The following EFCAB5 variants were observed in gnomAD, a reference collection of about 807,000 sequenced individuals.
EFCAB5 encodes EF-hand calcium binding domain 5, also known as EF-hand calcium-binding domain-containing protein 5.
Under a neutral mutation model 167.9 loss-of-function variants are expected in EFCAB5, and 131 were observed. The observed-to-expected ratio is 0.78, with a 90% CI of 0.68 to 0.90. EFCAB5 has a LOEUF of 0.90. Ranked by LOEUF, EFCAB5 falls within the 40% of genes least tolerant of loss-of-function variation. The pLI, the probability that EFCAB5 is intolerant of heterozygous loss-of-function variation, is 0.00. For missense variants in EFCAB5, 1,663 were observed against 1,745.2 expected, an observed-to-expected ratio of 0.95 and a Z score of 0.84; for synonymous variants, 574 against 602.8, an observed-to-expected ratio of 0.95 and a Z score of 0.70.
At chr17:30,040,353 C>T (rs954341413) in intron 8 of EFCAB5, among the ~76,000 whole-genome samples, 2 of 152,198 alleles carry the variant, frequency 1.3e-5, no homozygotes, top group Non-Finnish European at 2.9e-5. Flanking sequence ...AGTCAGGCAC[C>T]TCCATGATCT....
At chr17:30,097,255 C>T (rs909749363) in intron 22 of EFCAB5, among the ~76,000 whole-genome samples, 3 of 151,812 alleles carry the variant, frequency 2.0e-5, no homozygotes, top group South Asian at 2.1e-4. Context: ...AGGCTTTCTC[C>T]GTCTTGGTCA....
chr17:30,096,382 T>C (rs1278172308), intron 22 of EFCAB5, among the ~76,000 whole-genome samples: 1 of 152,014 alleles, frequency 6.6e-6, no homozygotes, highest in African/African-American at 2.4e-5. Context: ...CTTTTAAAAA[T>C]GAGCTTGATG....
chr17:30,000,885 A>G (rs1472919223), intron 7 of EFCAB5, among the ~76,000 whole-genome samples: 4 of 152,210 alleles, frequency 2.6e-5, no homozygotes, highest in Non-Finnish European at 4.4e-5. Flanking sequence ...TCCAGAATCC[A>G]TACTATGAAC....
intron 22 of EFCAB5, among the ~76,000 whole-genome samples, chr17:30,100,631 G>A (rs1216807455): frequency 6.6e-6 from 1 of 152,172 alleles, no homozygotes; most frequent in African/African-American, 2.4e-5. Context: ...GCTGGGCATG[G>A]TGGCAGGCAC....
intron 14 of EFCAB5, among the ~76,000 whole-genome samples, chr17:30,076,362 C>T (rs2070868298): frequency 1.3e-5 from 2 of 152,246 alleles, no homozygotes; most frequent in South Asian, 4.1e-4. Context: ...ACATGCTCCA[C>T]CTCTAGAACT....
At chr17:30,104,619 CTG>C (rs1346300885) in intron 22 of EFCAB5, among the ~76,000 whole-genome samples, 1 of 151,824 alleles carries the variant, frequency 6.6e-6, no homozygotes, top group Non-Finnish European at 1.5e-5. Context: ...ATTGCAAAGT[CTG>C]TGTGAGTGGG....
chr17:30,065,647 C>G (rs538074072), intron 14 of EFCAB5: 4 of 152,086 alleles, frequency 2.6e-5, no homozygotes, highest in African/African-American at 9.7e-5. Flanking sequence ...GGCGACAGAG[C>G]CAGATTCTGT....
rs2070090381 is a variant in EFCAB5, at chr17:30,051,309, T to A, written c.1300+92T>A. On this transcript the variant is annotated intron_variant, in intron 9 of 22. Transcript: ENST00000394835. The stretch of plus-strand genomic sequence containing the variant: ...GATACACTGATATGTTAACACAAGA[T>A]TATTCTACCACCATGGAATCCCTTC... The A allele has an allele frequency of 2.9e-6, 3 of 1,042,046 alleles. No homozygotes were observed. In the East Asian group the frequency reaches 7.6e-5, roughly 26 times the overall value. 64.5% of individuals were successfully genotyped at this position (1,042,046 alleles called of 1,614,324 possible).
At chr17:29,937,665 G>A (rs1340321926), upstream of EFCAB5, among the ~76,000 whole-genome samples, 2 of 152,144 alleles carry the variant, frequency 1.3e-5, no homozygotes, top group African/African-American at 4.8e-5. Flanking sequence ...TTATTCCAGA[G>A]TCAGAGAAAG....
chr17:30,051,447 A>C (rs1285461090), intron 9 of EFCAB5, among the ~76,000 whole-genome samples: 1 of 152,208 alleles, frequency 6.6e-6, no homozygotes, highest in Non-Finnish European at 1.5e-5. Flanking sequence ...ATACTCAAAA[A>C]TTTTATATCA....
Position 30,025,966 on chromosome 17 carries a change from C to A in EFCAB5, c.1045-8264C>A, listed in dbSNP as rs570158510. On this transcript the variant is annotated intron_variant, in intron 7 of 22. Transcript: ENST00000394835. The stretch of plus-strand genomic sequence containing the variant: ...TTCTCACTCATAGATGGGAACTGAA[C>A]AATGAGAACACATGGACACAGGAAG... 1.1e-4 allele frequency among the ~76,000 whole-genome samples: 16 copies of A among 149,996 alleles called. No homozygotes were observed. In the South Asian group the frequency reaches 3.2e-3, roughly 30 times the overall value.
At chr17:30,011,112 T>C (rs1407441223) in intron 7 of EFCAB5, among the ~76,000 whole-genome samples, 1 of 152,198 alleles carries the variant, frequency 6.6e-6, no homozygotes, top group Non-Finnish European at 1.5e-5. Context: ...GCTGTAGATA[T>C]GTGGATGTGT....
chr17:29,973,942 GAGGTC>G (rs2068012101), intron 4 of EFCAB5, among the ~76,000 whole-genome samples: 1 of 151,728 alleles, frequency 6.6e-6, no homozygotes, highest in Admixed American at 6.6e-5. Flanking sequence ...TGAATCACCT[GAGGTC>G]AGGAGTTCGA....
chr17:29,955,535 A>AT lies in EFCAB5; in HGVS notation c.190+11896dup, dbSNP rs906041019. Among the ~76,000 whole-genome samples, 10 of 150,202 alleles carry AT rather than the reference A, an allele frequency of 6.7e-5. 1 individual carries two copies. The highest frequency in any genetic ancestry group is 6.4e-4 in the South Asian group (3 of 4,704). ...GCCACGTGGAACTGTGAGTCCCTTAATTTTTTTTTTCTTTATAAATTACCC... is the reference window on the plus strand; with the variant it reads ...GCCACGTGGAACTGTGAGTCCCTTAATTTTTTTTTTTCTTTATAAATTACCC... On this transcript the variant is annotated intron_variant, in intron 3 of 22. Transcript: ENST00000394835.
At chr17:30,028,514 TG>T (rs1271409467) in intron 7 of EFCAB5, among the ~76,000 whole-genome samples, 5 of 152,100 alleles carry the variant, frequency 3.3e-5, no homozygotes, top group African/African-American at 1.2e-4. Flanking sequence ...GAGAAAAACT[TG>T]GGGAGAAATG....
At chr17:30,088,009 G>A (rs2071122070) in intron 19 of EFCAB5, among the ~76,000 whole-genome samples, 1 of 152,162 alleles carries the variant, frequency 6.6e-6, no homozygotes, top group African/African-American at 2.4e-5. Context: ...ATGTCTCATT[G>A]GGGTTTTGAT....
rs759737358 is a variant in EFCAB5, at chr17:30,080,969, C to G, written c.3414C>G (p.Ile1138Met). 1.9e-6 allele frequency: 3 copies of G among 1,611,952 alleles called. No homozygotes were observed. Among genetic ancestry groups the G allele is most frequent in the Middle Eastern group, 3.9e-4 (2 of 5,088 alleles). The change falls in exon 17 of 23, where the codon ATC becomes ATG. Residue 1138 changes from isoleucine to methionine, a missense_variant. Ile to Met is a conservative substitution (Grantham distance 10). Coordinates refer to ENST00000394835, the MANE Select transcript of EFCAB5 (RefSeq NM_198529.4). ...HEINIFLPHE[I>M]RFYQGVANVF... ...TAAACATCTTTCTACCTCATGAGAT[C>G]AGATTCTATCAGGTAAGTCATAGAA...
rs1429473961 is a variant in EFCAB5, at chr17:29,969,124, T to C, written c.524T>C (p.Leu175Pro). 3 of 1,613,912 alleles carry C rather than the reference T, an allele frequency of 1.9e-6. No individual in the cohort carries two copies. Among genetic ancestry groups the C allele is most frequent in the Non-Finnish European group, 1.7e-6 (2 of 1,179,832 alleles). ...ACACTGAATAATACTGCATATTTGC[T>C]TGACAAACTTCTACCCACCTTAGTT... is the stretch of plus-strand genomic sequence containing the variant. Reference protein sequence around the residue: ...SMTLNNTAYLLDKLLPTLVPG... With the variant: ...SMTLNNTAYLPDKLLPTLVPG... Residue 175 changes from leucine (L) to proline (P), a missense_variant, in exon 4 of 23, where the codon CTT (leucine) becomes CCT (proline). Physicochemically the swap from Leu to Pro is moderately conservative, Grantham distance 98. Transcript: ENST00000394835.
In EFCAB5 at chr17:29,993,408, C is replaced by T. The variant is rs994239075; in HGVS notation, c.924+87C>T. The T allele has an allele frequency of 1.2e-5, 16 of 1,351,812 alleles. No individual in the cohort carries two copies. The African/African-American group carries it at 2.1e-4, about 17-fold the overall frequency. The allele number at this position is 1,351,812 out of a possible 1,614,324, so 83.7% of individuals were successfully genotyped here. A position where few individuals can be genotyped will look rare whatever the true frequency, so the allele number is the denominator to read the frequency against. ...AGAATACTGAGTAGCATACTAGAAG[C>T]CTCCCTTGAAATTTTCAGTATTGCT... is the stretch of plus-strand genomic sequence containing the variant. On this transcript the variant is annotated intron_variant, in intron 5 of 22. Transcript: ENST00000394835.
Sources: allele counts gnomAD v4.1 joint callset (sites outside exome capture counted in the v4.1 genomes callset), GRCh38; gene constraint gnomAD v4.1.1; transcripts MANE v1.5; gene names NCBI Gene and HGNC (gene_info 2026-07-23, HGNC 2026-07-21).